NEO1: variants seen among roughly 807,000 people sequenced by gnomAD.
NEO1 encodes neogenin.
In NEO1, 63 loss-of-function variants were observed where a neutral mutation model predicts 159.7. The ratio of observed to expected loss-of-function variants is 0.39; its 90% CI spans 0.32 to 0.49. The LOEUF is 0.49. NEO1 is among the 20% of genes least tolerant of loss of function. The pLI, the probability that NEO1 is intolerant of heterozygous loss-of-function variation, is 0.85. For missense variants in NEO1, 1,615 were observed against 1,831.0 expected (o/e 0.88, Z 2.15); for synonymous variants, 633 against 662.0 (o/e 0.96, Z 0.67).
At chr15:73,116,889 T>C in intron 2 of NEO1, 32 bp downstream of exon 2, 1 of 1,475,992 alleles carries the variant, frequency 6.8e-7, no homozygotes, top group Non-Finnish European at 9.1e-7. Flanking sequence ...TTTTTGCATT[T>C]TCAAATATTT....
chr15:73,271,681 C>T (rs28427282), intron 18 of NEO1, among the ~76,000 whole-genome samples: 1,965 of 152,062 alleles, frequency 0.013, 36 homozygotes, highest in African/African-American at 0.044. Context: ...CCATGGTGGG[C>T]GGATCACCTG....
At chr15:73,227,563 A>G (rs1375243651) in intron 7 of NEO1, among the ~76,000 whole-genome samples, 6 of 152,170 alleles carry the variant, frequency 3.9e-5, no homozygotes, top group Non-Finnish European at 7.3e-5. Context: ...GAACAATTCA[A>G]TTTCTGCTAC....
At chr15:73,229,489 CATAG>C (rs2038790394) in intron 7 of NEO1, among the ~76,000 whole-genome samples, 1 of 149,320 alleles carries the variant, frequency 6.7e-6, no homozygotes, top group African/African-American at 2.5e-5. Flanking sequence ...GGGTTTTCTG[CATAG>C]ATAATTATGT....
At chr15:73,250,911 T>C (rs1461242500) in intron 11 of NEO1, among the ~76,000 whole-genome samples, 5 of 152,186 alleles carry the variant, frequency 3.3e-5, no homozygotes, top group Non-Finnish European at 7.3e-5. Flanking sequence ...TATTAGATAA[T>C]ATTTTTGTGT....
intron 1 of NEO1, among the ~76,000 whole-genome samples, chr15:73,074,781 C>G (rs2068693764): frequency 1.3e-5 from 2 of 152,104 alleles, no homozygotes. Context: ...GGCCTCCTTC[C>G]TCTCCTTGAC....
intron 14 of NEO1, among the ~76,000 whole-genome samples, chr15:73,259,677 A>C (rs2040529888): frequency 6.6e-6 from 1 of 152,196 alleles, no homozygotes; most frequent in Non-Finnish European, 1.5e-5. Flanking sequence ...TTTTAAATTA[A>C]GGTAGTAACT....
chr15:73,279,356 T>G (rs890751356), intron 22 of NEO1, among the ~76,000 whole-genome samples: 9 of 138,768 alleles, frequency 6.5e-5, no homozygotes, highest in Non-Finnish European at 1.1e-4. Context: ...TTTTGGTTTT[T>G]TTTTTTTTTT....
intron 17 of NEO1, 23 bp downstream of exon 17, chr15:73,270,256 T>C: frequency 6.2e-7 from 1 of 1,613,676 alleles, no homozygotes; most frequent in Non-Finnish European, 8.5e-7. Context: ...TTGCCCTGGC[T>C]GAAAAAAGCT....
intron 1 of NEO1, among the ~76,000 whole-genome samples, chr15:73,060,814 T>G (rs1036256523): frequency 4.7e-5 from 7 of 148,026 alleles, no homozygotes; most frequent in Non-Finnish European, 7.7e-5. Context: ...GCCCAGCTAA[T>G]TTTTTTGGGT....
chr15:73,108,498 A>G (rs1013040299), intron 1 of NEO1, among the ~76,000 whole-genome samples: 7 of 152,186 alleles, frequency 4.6e-5, no homozygotes, highest in African/African-American at 1.7e-4. Flanking sequence ...ACTTAATTCC[A>G]TCTTGGCCCA....
intron 28 of NEO1, 86 bp from the exon 29 acceptor site, chr15:73,302,527 C>A: frequency 8.1e-7 from 1 of 1,232,422 alleles, no homozygotes; most frequent in Non-Finnish European, 1.2e-6. Context: ...GACTACTGAC[C>A]ACATGAGGCT....
intron 1 of NEO1, among the ~76,000 whole-genome samples, chr15:73,081,507 G>A (rs1472690199): frequency 6.6e-6 from 1 of 151,938 alleles, no homozygotes; most frequent in Non-Finnish European, 1.5e-5. Context: ...TATCAGGGTT[G>A]ATAAAAACAT....
rs1250301402 is a variant in NEO1 at position 73,138,908 on chromosome 15, T to C, written c.1015+2881T>C. Among the ~76,000 whole-genome samples, 7 of 152,202 alleles carry C rather than the reference T, an allele frequency of 4.6e-5. No individual in the cohort carries two copies. In the East Asian group the frequency reaches 1.3e-3, roughly 29 times the overall value. On this transcript the variant is annotated intron_variant, in intron 5 of 28. Coordinates refer to ENST00000261908, the MANE Select transcript of NEO1 (RefSeq NM_002499.4). ...TGGAGCTATTTGGATCAATAGAGTATGGCAGAAGTCATATGTGACTTCCGA... is the reference window on the plus strand; with the variant it reads ...TGGAGCTATTTGGATCAATAGAGTACGGCAGAAGTCATATGTGACTTCCGA...
At position 73,077,333 on chromosome 15, in the gene NEO1, C is replaced by T. The variant is rs886682210; in HGVS notation, c.130+24528C>T. On this transcript the variant is annotated intron_variant, in intron 1 of 28. Transcript: ENST00000261908. The stretch of plus-strand genomic sequence containing the variant: ...TGCTGGGATAACAGGCATGAGCCAC[C>T]GTTTTCAGGTTGTCATAACTACATT... Among the ~76,000 whole-genome samples the T allele has an allele frequency of 5.9e-5, 9 of 152,172 alleles. 1 individual carries two copies. The highest frequency in any genetic ancestry group is 8.8e-5 in the Non-Finnish European group (6 of 68,042).
intron 15 of NEO1, among the ~76,000 whole-genome samples, chr15:73,264,047 C>T (rs1345214590): frequency 1.3e-5 from 2 of 152,058 alleles, no homozygotes; most frequent in Non-Finnish European, 2.9e-5. Context: ...ATTAGCTAGG[C>T]ATGGTGGTGT....
chr15:73,109,091 TA>T (rs1380739443), intron 1 of NEO1, among the ~76,000 whole-genome samples: 1 of 152,198 alleles, frequency 6.6e-6, no homozygotes, highest in Non-Finnish European at 1.5e-5. Context: ...GATCACTTAA[TA>T]TTATTTTACA....
rs563227591 is a variant in NEO1, at chr15:73,157,953, C to T, written c.1016-18450C>T. Among the ~76,000 whole-genome samples the T allele has an allele frequency of 2.6e-5, 4 of 152,300 alleles. No homozygotes were observed. The East Asian group carries it at 5.8e-4, about 22-fold the overall frequency. ...GTTTTTGACCAAATGTGGTGGCTCA[C>T]ATCTGTAATCCCAGCATTCTGGGAG... On this transcript the variant is annotated intron_variant, in intron 5 of 28. Coordinates refer to ENST00000261908, the MANE Select transcript of NEO1 (RefSeq NM_002499.4).
In NEO1 at chr15:73,301,910, C is replaced by T. The variant is rs547414919; in HGVS notation, c.4302+453C>T. 5.9e-5 allele frequency among the ~76,000 whole-genome samples: 9 copies of T among 152,294 alleles called. No individual in the cohort carries two copies. In the South Asian group the frequency reaches 1.9e-3, roughly 32 times the overall value. Reference sequence around the variant, plus strand: ...TCTTGAACTCCCTACCTCAGGTGATCCACCTGCCTCAGCCTCCCAAAGTGC... The same window carrying T: ...TCTTGAACTCCCTACCTCAGGTGATTCACCTGCCTCAGCCTCCCAAAGTGC... On this transcript the variant is annotated intron_variant, in intron 28 of 28. Coordinates refer to ENST00000261908, the MANE Select transcript of NEO1 (RefSeq NM_002499.4).
chr15:73,230,677 A>G (rs1195348816), intron 7 of NEO1, among the ~76,000 whole-genome samples: 3 of 152,110 alleles, frequency 2.0e-5, no homozygotes, highest in Non-Finnish European at 4.4e-5. Flanking sequence ...TGCAGCCTCA[A>G]CCTCCTGCAT....
Sources: gnomAD v4.1 joint callset for allele counts (sites outside exome capture counted in the v4.1 genomes callset) on GRCh38, gnomAD v4.1.1 for gene constraint, MANE v1.5 for transcripts, NCBI Gene and HGNC (gene_info 2026-07-23, HGNC 2026-07-21) for gene names.